SBF2: variants seen among roughly 807,000 people sequenced by gnomAD.
SBF2 encodes the protein SET binding factor 2, also known as myotubularin-related protein 13.
SBF2 carries 112 observed loss-of-function variants against 225.2 expected under a neutral mutation model. The observed-to-expected ratio is 0.50, with a 90% CI of 0.43 to 0.58. The LOEUF is 0.58. Among genes scored for constraint, SBF2 ranks in the 20% least tolerant of loss-of-function variants. The probability of loss-of-function intolerance (pLI) is 0.00; values close to 1 mark genes in which losing one functional copy is unlikely to be tolerated. For missense variants in SBF2, 1,996 were observed against 2,206.2 expected (o/e 0.90, Z 1.91); for synonymous variants, 763 against 773.3 (o/e 0.99, Z 0.22).
chr11:10,297,353 C>A (rs1451708807), upstream of SBF2, among the ~76,000 whole-genome samples: 1 of 152,098 alleles, frequency 6.6e-6, no homozygotes, highest in Non-Finnish European at 1.5e-5. Flanking sequence ...AGCTTCCACA[C>A]CCAGACTTCA....
intron 3 of SBF2, among the ~76,000 whole-genome samples, chr11:10,033,461 G>GA (rs1473013740): frequency 1.3e-5 from 2 of 152,056 alleles, no homozygotes; most frequent in African/African-American, 4.8e-5. Context: ...CCAATAGAGT[G>GA]AAAATCAGTA....
At chr11:9,903,200 T>C (rs1006147992) in intron 16 of SBF2, among the ~76,000 whole-genome samples, 1 of 152,044 alleles carries the variant, frequency 6.6e-6, no homozygotes, top group African/African-American at 2.4e-5. Context: ...CAGGCATCTG[T>C]AGTCCCAGCT....
At position 10,229,360 on chromosome 11, in the gene SBF2, T is replaced by G. The variant is rs1424443002; in HGVS notation, c.56-35373A>C. On this transcript the variant is annotated intron_variant, in intron 1 of 39. Transcript: ENST00000256190. ...TTATTTCTTGCCTTCTGCTAGCTTTTGAATGTGTTTGCTCTTGCTTTTCTA... is the reference window on the plus strand; with the variant it reads ...TTATTTCTTGCCTTCTGCTAGCTTTGGAATGTGTTTGCTCTTGCTTTTCTA... 1.1e-4 allele frequency among the ~76,000 whole-genome samples: 16 copies of G among 152,328 alleles called. No homozygotes were observed. In the East Asian group the frequency reaches 1.2e-3, roughly 11 times the overall value.
intron 13 of SBF2, among the ~76,000 whole-genome samples, chr11:9,974,478 A>T (rs937658597): frequency 3.9e-5 from 6 of 152,164 alleles, no homozygotes; most frequent in Admixed American, 6.5e-5. Context: ...TCATGACTCC[A>T]GATAGAGATT....
intron 1 of SBF2, among the ~76,000 whole-genome samples, chr11:10,253,538 G>C (rs546696574): frequency 6.6e-6 from 1 of 152,230 alleles, no homozygotes; most frequent in South Asian, 2.1e-4. Flanking sequence ...TTATGGCAAA[G>C]AATCTCTAAA....
intron 6 of SBF2, among the ~76,000 whole-genome samples, chr11:10,027,709 A>G (rs1949100826): frequency 6.6e-6 from 1 of 152,134 alleles, no homozygotes; most frequent in African/African-American, 2.4e-5. Context: ...TAAGTTATAT[A>G]TTTCTTAAAT....
intron 8 of SBF2, among the ~76,000 whole-genome samples, chr11:9,999,283 ATG>A (rs771108152): frequency 0.056 from 1,956 of 35,028 alleles, 33 homozygotes; most frequent in South Asian, 0.088. Flanking sequence ...CAGTGACTGT[ATG>A]TATGTATGTA....
chr11:9,914,707 A>C (rs1168824037), intron 16 of SBF2, among the ~76,000 whole-genome samples: 1 of 152,140 alleles, frequency 6.6e-6, no homozygotes, highest in Admixed American at 6.5e-5. Flanking sequence ...CAAAAATCAA[A>C]ATTTTCTGTT....
At chr11:10,202,080 A>G (rs1480160724) in intron 1 of SBF2, among the ~76,000 whole-genome samples, 1 of 152,218 alleles carries the variant, frequency 6.6e-6, no homozygotes, top group Non-Finnish European at 1.5e-5. Context: ...TAAACATATG[A>G]TCTAGCACTT....
Position 9,998,380 on chromosome 11 carries a change from C to T in SBF2, c.862-1G>A. The T allele has an allele frequency of 6.6e-7, 1 of 1,506,708 alleles. No homozygotes were observed. Among genetic ancestry groups the T allele is most frequent in the Non-Finnish European group, 9.2e-7 (1 of 1,086,684 alleles). 93.3% of individuals were successfully genotyped at this position (1,506,708 alleles called of 1,614,324 possible). A position where few individuals can be genotyped will look rare whatever the true frequency, so the allele number is the denominator to read the frequency against. ...CCAAATCTGCTATGATTACATCTAA[C>T]TGAAAGAGATAAAAAAATTAACCTA... is the stretch of plus-strand genomic sequence containing the variant. On this transcript the variant is annotated splice_acceptor_variant, in intron 8 of 39. Coordinates refer to ENST00000256190, the MANE Select transcript of SBF2 (RefSeq NM_030962.4). LOFTEE classifies it high-confidence loss of function.
intron 17 of SBF2, among the ~76,000 whole-genome samples, chr11:9,882,461 G>A (rs372669596): frequency 3.9e-5 from 6 of 152,148 alleles, no homozygotes; most frequent in Non-Finnish European, 5.9e-5. Flanking sequence ...TTGAACCACT[G>A]ATTTGCACTT....
intron 2 of SBF2, among the ~76,000 whole-genome samples, chr11:10,063,558 C>T (rs1950522842): frequency 6.6e-6 from 1 of 151,496 alleles, no homozygotes; most frequent in Admixed American, 6.6e-5. Flanking sequence ...CGGGTTTCAT[C>T]ATGTTAGCCA....
At chr11:9,963,741 A>T in intron 15 of SBF2, 32 bp downstream of exon 15, 2 of 1,053,090 alleles carry the variant, frequency 1.9e-6, no homozygotes, top group Non-Finnish European at 2.9e-6. Flanking sequence ...GAAATGATAA[A>T]TGCTTACTTG....
chr11:10,258,081 T>TATAC lies in SBF2; in HGVS notation c.55+35933_55+35934insGTAT, dbSNP rs1961037039. Reference sequence around the variant, plus strand: ...TCTAAGAGGTATAAATACACACACATACACACACACACACACACACACACA... The same window carrying TATAC: ...TCTAAGAGGTATAAATACACACACATATACACACACACACACACACACACACACA... On this transcript the variant is annotated intron_variant, in intron 1 of 39. Coordinates refer to ENST00000256190, the MANE Select transcript of SBF2 (RefSeq NM_030962.4). 9.4e-5 allele frequency among the ~76,000 whole-genome samples: 13 copies of TATAC among 138,958 alleles called. 1 individual carries two copies. The South Asian group carries it at 3.0e-3, about 32-fold the overall frequency. The allele number at this position is 138,958 out of a possible 152,430, so 91.2% of individuals were successfully genotyped here. A position where few individuals can be genotyped will look rare whatever the true frequency, so the allele number is the denominator to read the frequency against.
rs575092215 is a variant in SBF2, at chr11:9,920,202, G to GTA, written c.1861-24192_1861-24191insTA. 8.3e-3 allele frequency among the ~76,000 whole-genome samples: 1,192 copies of GTA among 143,578 alleles called. 10 individuals carry two copies. The highest frequency in any genetic ancestry group is 0.025 in the African/African-American group (974 of 38,360). The allele number at this position is 143,578 out of a possible 152,430, so 94.2% of individuals were successfully genotyped here. On this transcript the variant is annotated intron_variant, in intron 16 of 39. Coordinates refer to ENST00000256190, the MANE Select transcript of SBF2 (RefSeq NM_030962.4). ...ACTATATGTGTGTGTGTGTGTGTGT[G>GTA]TGTATATATATATATATACACACAC...
chr11:9,861,401 C>T (rs551157618), intron 17 of SBF2, among the ~76,000 whole-genome samples: 59 of 152,234 alleles, frequency 3.9e-4, no homozygotes, highest in African/African-American at 1.3e-3. Flanking sequence ...CAGTGGCTCA[C>T]GCCTGTAATC....
chr11:10,123,674 G>A (rs1953594253), intron 2 of SBF2, among the ~76,000 whole-genome samples: 1 of 150,022 alleles, frequency 6.7e-6, no homozygotes, highest in Non-Finnish European at 1.5e-5. Context: ...TGACTATAAA[G>A]TCTTCCTTAC....
intron 16 of SBF2, among the ~76,000 whole-genome samples, chr11:9,923,075 A>G (rs1341495186): frequency 6.6e-6 from 1 of 152,048 alleles, no homozygotes; most frequent in Non-Finnish European, 1.5e-5. Flanking sequence ...AGTCATGTGG[A>G]TCCCCTCCTC....
At chr11:10,098,381 T>C (rs998076521) in intron 2 of SBF2, among the ~76,000 whole-genome samples, 1 of 151,042 alleles carries the variant, frequency 6.6e-6, no homozygotes, top group Non-Finnish European at 1.5e-5. Context: ...AGCTGACTGG[T>C]GAAGTCTTTT....
Sources: gnomAD v4.1 joint callset for allele counts (sites outside exome capture counted in the v4.1 genomes callset) on GRCh38, gnomAD v4.1.1 for gene constraint, MANE v1.5 for transcripts, NCBI Gene and HGNC (gene_info 2026-07-23, HGNC 2026-07-21) for gene names.